The following POLR2B variants were observed in gnomAD, a reference collection of about 807,000 sequenced individuals.
POLR2B encodes the protein DNA-directed RNA polymerase II subunit RPB2.
In POLR2B, 57 loss-of-function variants were observed where a neutral mutation model predicts 144.6. The ratio of observed to expected loss-of-function variants is 0.39; its 90% confidence interval spans 0.32 to 0.49. POLR2B has a LOEUF of 0.49. POLR2B is among the 20% of genes least tolerant of loss of function. POLR2B has a pLI of 0.83. For synonymous variants in POLR2B, 442 were observed against 469.8 expected (o/e 0.94, Z 0.77); for missense variants, 595 against 1,467.4 (o/e 0.41, Z 9.71).
At chr4:57,022,280 A>ACAGT in intron 18 of POLR2B, 34 bp downstream of exon 18, 1 of 1,359,510 alleles carries the variant, frequency 7.4e-7, no homozygotes, top group Non-Finnish European at 1.0e-6. Context: ...GATGGAATCC[A>ACAGT]AAGTTAACTT....
At chr4:56,988,493 G>C (rs35706166) in intron 2 of POLR2B, among the ~76,000 whole-genome samples, 9,477 of 151,926 alleles carry the variant, frequency 0.062, 349 homozygotes, top group Middle Eastern at 0.089. Context: ...GCCAGACCCT[G>C]TCTATCTCTT....
At position 57,024,871 on chromosome 4, in the gene POLR2B, T is replaced by TA; in HGVS notation, c.2965-15_2965-14insA. 2 of 1,118,796 alleles carry TA rather than the reference T, an allele frequency of 1.8e-6. No individual in the cohort carries two copies. Among genetic ancestry groups the TA allele is most frequent in the Non-Finnish European group, 2.6e-6 (2 of 776,794 alleles). The allele number at this position is 1,118,796 out of a possible 1,614,324, so 69.3% of individuals were successfully genotyped here. A position where few individuals can be genotyped will look rare whatever the true frequency, so the allele number is the denominator to read the frequency against. ...ACTGAAGCAACATTTTAAAGAGTAC[T>TA]TTTTTTTTTAAAAGGTATCGGCTAA... On this transcript the variant is annotated splice_polypyrimidine_tract_variant and intron_variant, in intron 21 of 24. Coordinates refer to ENST00000314595, the MANE Select transcript of POLR2B (RefSeq NM_000938.3).
At chr4:56,982,372 C>G (rs139487351) in intron 1 of POLR2B, among the ~76,000 whole-genome samples, 1 of 152,016 alleles carries the variant, frequency 6.6e-6, no homozygotes, top group African/African-American at 2.4e-5. Context: ...GAATTTGAGA[C>G]CAGCCTGGGC....
intron 7 of POLR2B, among the ~76,000 whole-genome samples, chr4:57,002,171 G>A (rs539471098): frequency 6.6e-6 from 1 of 152,208 alleles, no homozygotes; most frequent in African/African-American, 2.4e-5. Context: ...GGGACCACAG[G>A]TGTGCACAAT....
At position 57,004,841 on chromosome 4, in the gene POLR2B, C is replaced by T. The variant is rs565288342; in HGVS notation, c.901-405C>T. On this transcript the variant is annotated intron_variant, in intron 7 of 24. Transcript: ENST00000314595. The stretch of plus-strand genomic sequence containing the variant: ...CTGGGACTACAGGCATGTGCCACTG[C>T]GGCAGCTGATTTTTGTATTTTTAGT... 5.3e-5 allele frequency among the ~76,000 whole-genome samples: 8 copies of T among 152,222 alleles called. No homozygotes were observed. In the South Asian group the frequency reaches 1.2e-3, roughly 24 times the overall value.
At chr4:56,983,662 G>A (rs563844102) in intron 1 of POLR2B, among the ~76,000 whole-genome samples, 1 of 151,860 alleles carries the variant, frequency 6.6e-6, no homozygotes, top group Non-Finnish European at 1.5e-5. Context: ...GAGCCACTGC[G>A]CCCGGCCAGC....
intron 6 of POLR2B, 101 bp downstream of exon 6, chr4:56,995,510 A>G (rs1226451622): frequency 2.6e-6 from 2 of 768,536 alleles, no homozygotes; most frequent in Admixed American, 2.4e-5. Flanking sequence ...TCTGGAGCAT[A>G]TTGTTGTTAT....
At chr4:57,014,737 C>A (rs1459892554) in intron 13 of POLR2B, among the ~76,000 whole-genome samples, 1 of 140,928 alleles carries the variant, frequency 7.1e-6, no homozygotes, top group Non-Finnish European at 1.5e-5. Flanking sequence ...ATCTCCTGAC[C>A]TCGTGATCCA....
intron 10 of POLR2B, among the ~76,000 whole-genome samples, 190 bp downstream of exon 10, chr4:57,007,192 C>T (rs1319491991): frequency 1.3e-5 from 2 of 152,194 alleles, no homozygotes; most frequent in African/African-American, 2.4e-5. Context: ...GCTGGATCAC[C>T]TGAGGTCAGG....
At chr4:56,986,053 C>T (rs1722318592) in intron 1 of POLR2B, among the ~76,000 whole-genome samples, 1 of 152,196 alleles carries the variant, frequency 6.6e-6, no homozygotes, top group African/African-American at 2.4e-5. Context: ...GGCTCTGCCC[C>T]CTTACCCTGT....
In POLR2B at chr4:56,994,761, G is replaced by A. The variant is rs757867254; in HGVS notation, c.471G>A (p.Arg157=). 1 of 1,613,490 alleles carries A rather than the reference G, an allele frequency of 6.2e-7. No homozygotes were observed. The highest frequency in any genetic ancestry group is 8.5e-7 in the Non-Finnish European group (1 of 1,179,544). ...TFIGKIPIML[R]STYCLLNGLT... ...TAGGAAAAATTCCAATTATGTTGCG[G>A]TCAACTTACTGCCTTTTGAATGGCT... The change falls in exon 5 of 25, where the codon CGG becomes CGA. Residue 157 remains arginine (R), a synonymous_variant. Transcript: ENST00000314595.
In POLR2B at chr4:56,995,295, GT is replaced by G. The variant is rs1722644521; in HGVS notation, c.624del (p.Phe208LeufsTer69). ...EKMATNTVYV[F>X]AKKDSKYAYT... ...AAATGGCAACAAACACAGTTTATGTGTTTGCCAAAAAGGATTCTAAATATGC... is the reference window on the plus strand; with the variant it reads ...AAATGGCAACAAACACAGTTTATGTGTTGCCAAAAAGGATTCTAAATATGC... On this transcript the variant is annotated frameshift_variant, in exon 6 of 25. Coordinates refer to ENST00000314595, the MANE Select transcript of POLR2B (RefSeq NM_000938.3). LOFTEE classifies it high-confidence loss of function. 1 of 1,613,274 alleles carries G rather than the reference GT, an allele frequency of 6.2e-7. No individual in the cohort carries two copies. Among genetic ancestry groups the G allele is most frequent in the African/African-American group, 1.3e-5 (1 of 74,874 alleles).
chr4:57,010,618 T>G, intron 11 of POLR2B, 114 bp downstream of exon 11: 1 of 1,344,974 alleles, frequency 7.4e-7, no homozygotes, highest in African/African-American at 1.5e-5. Flanking sequence ...TAGAAATAAG[T>G]TTTTTTTATA....
chr4:57,012,759 G>C (rs1179098573), intron 13 of POLR2B, among the ~76,000 whole-genome samples: 1 of 152,166 alleles, frequency 6.6e-6, no homozygotes, highest in Non-Finnish European at 1.5e-5. Context: ...CTGTCTCCCA[G>C]GTTCAAGAAA....
intron 13 of POLR2B, among the ~76,000 whole-genome samples, chr4:57,011,366 A>G (rs894205206): frequency 6.6e-6 from 1 of 152,078 alleles, no homozygotes; most frequent in Admixed American, 6.6e-5. Flanking sequence ...CATCTCTACT[A>G]AAAATACAAC....
intron 2 of POLR2B, among the ~76,000 whole-genome samples, chr4:56,987,479 A>G (rs1722368589): frequency 6.6e-6 from 1 of 152,170 alleles, no homozygotes; most frequent in African/African-American, 2.4e-5. Context: ...TCTGAGCCCC[A>G]TCAGCTCCAA....
chr4:57,016,256 CTT>C (rs1723362911), intron 14 of POLR2B, among the ~76,000 whole-genome samples: 1 of 152,058 alleles, frequency 6.6e-6, no homozygotes, highest in Non-Finnish European at 1.5e-5. Flanking sequence ...GCTTAAAAGT[CTT>C]TTGATTGCCC....
At chr4:56,979,499 G>T (rs925562394) in intron 1 of POLR2B, among the ~76,000 whole-genome samples, 1 of 152,096 alleles carries the variant, frequency 6.6e-6, no homozygotes, top group African/African-American at 2.4e-5. Flanking sequence ...CATACTGTTT[G>T]TAAGTCAAAG....
rs1297182094 is a variant in POLR2B at position 57,020,880 on chromosome 4, G to T, written c.2324-19G>T. ...TTTTCCAGGTGATGTTTTAATGTAT[G>T]CTCTTAAATTCACTGCAGGCATCAA... On this transcript the variant is annotated intron_variant, in intron 16 of 24. Coordinates refer to ENST00000314595, the MANE Select transcript of POLR2B (RefSeq NM_000938.3). 7.6e-7 allele frequency: 1 copy of T among 1,319,944 alleles called. No homozygotes were observed. Among genetic ancestry groups the T allele is most frequent in the Non-Finnish European group, 1.1e-6 (1 of 911,776 alleles). 81.8% of individuals were successfully genotyped at this position (1,319,944 alleles called of 1,614,324 possible).
Sources: gnomAD v4.1 joint callset for allele counts (sites outside exome capture counted in the v4.1 genomes callset) on GRCh38, gnomAD v4.1.1 for gene constraint, MANE v1.5 for transcripts, NCBI Gene and HGNC (gene_info 2026-07-23, HGNC 2026-07-21) for gene names.